Variants in CHAF1A observed in about 807,000 individuals in gnomAD.
The protein encoded by CHAF1A is CAF-1 subunit A.
Under a neutral mutation model 93.2 loss-of-function variants are expected in CHAF1A, and 5 were observed. The observed-to-expected ratio is 0.05, with a 90% CI of 0.03 to 0.11. The LOEUF (loss-of-function observed/expected upper bound fraction) is 0.11. Ranked by LOEUF, CHAF1A falls within the 10% of genes least tolerant of loss-of-function variation. The pLI, the probability that CHAF1A is intolerant of heterozygous loss-of-function variation, is 1.00. For missense variants in CHAF1A, 1,102 were observed against 1,259.9 expected (o/e 0.87, Z 1.90); for synonymous variants, 504 against 510.3 (o/e 0.99, Z 0.17).
chr19:4,435,087 C>CTTTTTTTTTTTTTTTTTTT (rs869255408), intron 13 of CHAF1A, among the ~76,000 whole-genome samples: 6 of 87,966 alleles, frequency 6.8e-5, no homozygotes, highest in African/African-American at 1.4e-4. Context: ...CTTTTTTTTC[C>CTTTTTTTTTTTTTTTTTTT]TTTTTTTTTT....
intron 2 of CHAF1A, among the ~76,000 whole-genome samples, chr19:4,407,379 C>A (rs1163994776): frequency 6.6e-6 from 1 of 152,008 alleles, no homozygotes; most frequent in Non-Finnish European, 1.5e-5. Context: ...TTCCTCCTAA[C>A]CAGCCCGAAG....
chr19:4,447,642 A>G (rs1408699288), downstream of CHAF1A: 2 of 1,613,638 alleles, frequency 1.2e-6, no homozygotes, highest in South Asian at 2.2e-5. Context: ...TAGGTGGAGA[A>G]GGTGAGTGGG....
intron 1 of CHAF1A, 30 bp downstream of exon 1, chr19:4,402,844 G>T: frequency 8.4e-7 from 1 of 1,185,026 alleles, no homozygotes; most frequent in Non-Finnish European, 1.0e-6. Flanking sequence ...GAGGGGAAGG[G>T]GGGGCGCGGC....
Position 4,429,474 on chromosome 19 carries a change from T to G in CHAF1A, c.1641T>G (p.Gly547=). Residue 547 remains glycine, a synonymous_variant, in exon 9 of 15, where the codon GGT becomes GGG. Transcript: ENST00000301280. The part of the protein sequence containing the change: ...VVIVERGKGD[G]VPERRKFGRM... ...TCGTGGAGCGTGGGAAGGGCGACGG[T>G]GTTCCCGAGAGGAGGAAGTTTGGCA... 6.2e-7 allele frequency: 1 copy of G among 1,613,942 alleles called. No homozygotes were observed. The highest frequency in any genetic ancestry group is 8.5e-7 in the Non-Finnish European group (1 of 1,179,976).
At chr19:4,430,491 A>G in intron 10 of CHAF1A, 58 bp from the exon 11 acceptor site, 1 of 1,243,330 alleles carries the variant, frequency 8.0e-7, no homozygotes, top group Non-Finnish European at 1.2e-6. Context: ...TTTGTTTTTA[A>G]TAAGGCACAC....
intron 13 of CHAF1A, among the ~76,000 whole-genome samples, chr19:4,438,580 C>CT (rs1391092447): frequency 2.0e-5 from 3 of 152,110 alleles, no homozygotes. Flanking sequence ...CTGTGAAGCC[C>CT]TAGGACACCT....
rs1275892345 is a variant in CHAF1A at position 4,431,128 on chromosome 19, CT to C, written c.1947+502del. 2.4e-3 allele frequency: 350 copies of C among 143,858 alleles called. 1 individual carries two copies. Among genetic ancestry groups the C allele is most frequent in the African/African-American group, 4.0e-3 (157 of 39,342 alleles). 8.9% of individuals were successfully genotyped at this position (143,858 alleles called of 1,614,324 possible). Reference sequence around the variant, plus strand: ...AGATTCCATAAGGTTGTGGAACTGTCTTTTTTTTTTTTTTTCTTGAGACGGA... The same window carrying C: ...AGATTCCATAAGGTTGTGGAACTGTCTTTTTTTTTTTTTTCTTGAGACGGA... On this transcript the variant is annotated intron_variant, in intron 11 of 14. Transcript: ENST00000301280.
Position 4,429,737 on chromosome 19 carries a change from T to G in CHAF1A, c.1803T>G (p.Asp601Glu). The G allele has an allele frequency of 1.2e-6, 2 of 1,614,032 alleles. No individual in the cohort carries two copies. Among genetic ancestry groups the G allele is most frequent in the Non-Finnish European group, 1.7e-6 (2 of 1,179,978 alleles). Residue 601 changes from aspartate to glutamate, a missense_variant, in exon 10 of 15, where the codon GAT (aspartate) becomes GAG (glutamate). By Grantham distance (45) the Asp-to-Glu change is conservative. Transcript: ENST00000301280. ...TKLLDYEVDSDEEWEEEEPGE... is the reference protein window; with the variant it reads ...TKLLDYEVDSEEEWEEEEPGE... ...TCCTGGACTATGAGGTGGACAGTGA[T>G]GAGGAGTGGGAAGAAGAGGAGCCTG...
At chr19:4,434,502 T>G (rs1392488979) in intron 13 of CHAF1A, among the ~76,000 whole-genome samples, 4 of 152,162 alleles carry the variant, frequency 2.6e-5, no homozygotes, top group Non-Finnish European at 5.9e-5. Context: ...GAAAGGCCCC[T>G]GTGCTCTGCC....
intron 13 of CHAF1A, among the ~76,000 whole-genome samples, chr19:4,438,891 A>G (rs1292969658): frequency 5.3e-5 from 8 of 152,184 alleles, no homozygotes; most frequent in African/African-American, 1.9e-4. Flanking sequence ...CTGAGGCAGG[A>G]GAATGGCATG....
intron 13 of CHAF1A, among the ~76,000 whole-genome samples, chr19:4,437,113 C>A (rs977019601): frequency 2.0e-5 from 3 of 152,182 alleles, no homozygotes; most frequent in African/African-American, 7.2e-5. Context: ...TGAGGGCCTC[C>A]TGGGGCTCAG....
intron 13 of CHAF1A, among the ~76,000 whole-genome samples, chr19:4,434,787 G>A (rs913280026): frequency 6.6e-6 from 1 of 152,140 alleles, no homozygotes; most frequent in South Asian, 2.1e-4. Flanking sequence ...ACTCTGATCG[G>A]TCTCTCAGAC....
intron 6 of CHAF1A, 117 bp from the exon 7 acceptor site, chr19:4,423,688 CA>C (rs1175811419): frequency 9.3e-7 from 1 of 1,075,112 alleles, no homozygotes; most frequent in African/African-American, 1.6e-5. Flanking sequence ...CTGAAAATCA[CA>C]GTAGTGCCTT....
chr19:4,436,129 A>T (rs1222048065), intron 13 of CHAF1A, among the ~76,000 whole-genome samples: 1 of 151,408 alleles, frequency 6.6e-6, no homozygotes, highest in Non-Finnish European at 1.5e-5. Flanking sequence ...ACACAGCAAG[A>T]TTCTAGTCCC....
chr19:4,445,582 C>T (rs1228691422), downstream of CHAF1A: 11 of 1,613,664 alleles, frequency 6.8e-6, no homozygotes, highest in Non-Finnish European at 9.3e-6. Flanking sequence ...TGTCCTCCAG[C>T]ACAGCCATGT....
At chr19:4,403,500 C>T (rs1231842639) in intron 1 of CHAF1A, among the ~76,000 whole-genome samples, 1 of 152,280 alleles carries the variant, frequency 6.6e-6, no homozygotes, top group African/African-American at 2.4e-5. Context: ...TACGCTTTGG[C>T]ACATAGTAGG....
chr19:4,411,671 A>G (rs1191547099), intron 3 of CHAF1A, among the ~76,000 whole-genome samples: 2 of 19,236 alleles, frequency 1.0e-4, no homozygotes, highest in Non-Finnish European at 2.8e-4. Context: ...TTTTTGAGAC[A>G]TGGTCTCACC....
rs530615079 is a variant in CHAF1A at position 4,419,722 on chromosome 19, C to T, written c.1017+1646C>T. Among the ~76,000 whole-genome samples, 8 of 152,314 alleles carry T rather than the reference C, an allele frequency of 5.3e-5. No homozygotes were observed. In the East Asian group the frequency reaches 7.7e-4, roughly 15 times the overall value. On this transcript the variant is annotated intron_variant, in intron 4 of 14. Coordinates refer to ENST00000301280, the MANE Select transcript of CHAF1A (RefSeq NM_005483.3). ...CTGGGACTACAGGTGTGAGCCACCA[C>T]GCCCAGCCTGATTTTTATTTTTACA...
chr19:4,428,846 C>T lies in CHAF1A; in HGVS notation c.1560C>T (p.Ser520=), dbSNP rs756891683. 18 of 1,613,748 alleles carry T rather than the reference C, an allele frequency of 1.1e-5. No individual in the cohort carries two copies. Among genetic ancestry groups the T allele is most frequent in the East Asian group, 2.2e-5 (1 of 44,872 alleles). ...TCAAAGGCCGGCAGCCCCTGAGGTC[C>T]GGACCCACGCACGTTTCCACCCGGA... ...KDLKGRQPLR[S]GPTHVSTRNA... Residue 520 remains serine (S), a synonymous_variant, in exon 8 of 15, where the codon TCC becomes TCT. Coordinates refer to ENST00000301280, the MANE Select transcript of CHAF1A (RefSeq NM_005483.3).
Sources: allele counts gnomAD v4.1 joint callset (sites outside exome capture counted in the v4.1 genomes callset), GRCh38; gene constraint gnomAD v4.1.1; transcripts MANE v1.5; gene names NCBI Gene and HGNC (gene_info 2026-07-23, HGNC 2026-07-21).